ARHGEF2: variants seen among roughly 807,000 people sequenced by gnomAD.
ARHGEF2 encodes Rho/Rac guanine nucleotide exchange factor 2.
In ARHGEF2, 22 loss-of-function variants were observed where a neutral mutation model predicts 121.0. That is an observed-to-expected ratio of 0.18 (90% CI 0.13 to 0.26). ARHGEF2 has a LOEUF of 0.26. Ranked by LOEUF, ARHGEF2 falls within the 10% of genes least tolerant of loss-of-function variation. ARHGEF2 has a pLI of 1.00. For synonymous variants in ARHGEF2, 487 were observed against 530.0 expected, an observed-to-expected ratio of 0.92 and a Z score of 1.11; for missense variants, 907 against 1,336.0, an observed-to-expected ratio of 0.68 and a Z score of 5.01.
chr1:155,952,564 C>T, intron 15 of ARHGEF2, 64 bp downstream of exon 15: 1 of 1,526,628 alleles, frequency 6.6e-7, no homozygotes, highest in Non-Finnish European at 8.9e-7. Flanking sequence ...CATGTCTAGT[C>T]ACATGTCCAC....
In ARHGEF2 at chr1:155,954,980, A is replaced by G. The variant is rs1215627253; in HGVS notation, c.1716-11T>C. The G allele has an allele frequency of 1.9e-6, 3 of 1,610,270 alleles. No homozygotes were observed. The highest frequency in any genetic ancestry group is 2.5e-6 in the Non-Finnish European group (3 of 1,178,000). On this transcript the variant is annotated splice_polypyrimidine_tract_variant and intron_variant, in intron 13 of 21. Coordinates refer to ENST00000361247, the MANE Select transcript of ARHGEF2 (RefSeq NM_001162383.2). ...TCCCTGGATGGGCATCTGGAGGGGT[A>G]ACAGGTCGCATGCCATTGAGAGACA... is the stretch of plus-strand genomic sequence containing the variant.
chr1:155,964,167 A>AAATATAT (rs1553244640), intron 7 of ARHGEF2, among the ~76,000 whole-genome samples: 1 of 91,218 alleles, frequency 1.1e-5, no homozygotes, highest in African/African-American at 6.1e-5. Context: ...AAAAAAAAAA[A>AAATATAT]ATATATATAT....
At chr1:155,952,562 G>T in intron 15 of ARHGEF2, 66 bp downstream of exon 15, 1 of 1,515,442 alleles carries the variant, frequency 6.6e-7, no homozygotes, top group African/African-American at 1.4e-5. Context: ...TCCATGTCTA[G>T]TCACATGTCC....
chr1:155,960,677 G>T (rs1251393340), intron 11 of ARHGEF2, among the ~76,000 whole-genome samples: 1 of 152,148 alleles, frequency 6.6e-6, no homozygotes, highest in Non-Finnish European at 1.5e-5. Flanking sequence ...AAGGAAAGAG[G>T]CTGGTGAAGA....
rs1475475912 is a variant in ARHGEF2 at position 155,978,172 on chromosome 1, G to A, written c.63+193C>T. ...CCTCCCGGGATCCCAGCACCGTCGC[G>A]TCTGCCGCTCCCCCCACCCCTACCC... On this transcript the variant is annotated intron_variant, in intron 1 of 21. Coordinates refer to ENST00000361247, the MANE Select transcript of ARHGEF2 (RefSeq NM_001162383.2). This position sits in a 1 kb window ranked among gnomAD's most constrained non-coding sequence, Gnocchi z 4.1. 8.5e-6 allele frequency: 11 copies of A among 1,296,880 alleles called. No individual in the cohort carries two copies. In the Admixed American group the frequency reaches 1.0e-4, roughly 12 times the overall value. The allele number at this position is 1,296,880 out of a possible 1,614,324, so 80.3% of individuals were successfully genotyped here. A position where few individuals can be genotyped will look rare whatever the true frequency, so the allele number is the denominator to read the frequency against.
intron 7 of ARHGEF2, among the ~76,000 whole-genome samples, chr1:155,964,113 C>A (rs1313606116): frequency 3.8e-5 from 5 of 133,014 alleles, no homozygotes; most frequent in African/African-American, 1.2e-4. Context: ...CCAGTGCACT[C>A]CAGCATGGGC....
chr1:155,952,700 T>C lies in ARHGEF2; in HGVS notation c.1912A>G (p.Arg638Gly). Residue 638 changes from arginine to glycine, a missense_variant, in exon 15 of 22, where the codon AGG (arginine) becomes GGG (glycine). Arg to Gly is a moderately radical substitution (Grantham distance 125). This residue lies in a region of ARHGEF2 where 432 missense variants were observed against 559.5 expected (regional missense o/e 0.77). Transcript: ENST00000361247. The part of the protein sequence containing the change: ...GSGMALPTLP[R>G]GLFRSESLES... ...AGGGACTCAGAGCGGAAAAGGCCCC[T>C]GGGCAGGGTGGGCAGGGCCATCCCA... 1 of 1,614,148 alleles carries C rather than the reference T, an allele frequency of 6.2e-7. No individual in the cohort carries two copies. Among genetic ancestry groups the C allele is most frequent in the South Asian group, 1.1e-5 (1 of 91,090 alleles).
At chr1:155,954,705 G>C (rs1676324954) in intron 14 of ARHGEF2, among the ~76,000 whole-genome samples, 197 bp downstream of exon 14, 1 of 150,904 alleles carries the variant, frequency 6.6e-6, no homozygotes, top group Non-Finnish European at 1.5e-5. Context: ...CCCAACCTTG[G>C]TCTTCCATAT....
At position 155,962,305 on chromosome 1, in the gene ARHGEF2, C is replaced by T. The variant is rs1024540297; in HGVS notation, c.1102-83G>A. 3 of 1,408,702 alleles carry T rather than the reference C, an allele frequency of 2.1e-6. No homozygotes were observed. Among genetic ancestry groups the T allele is most frequent in the Admixed American group, 1.8e-5 (1 of 54,178 alleles). The allele number at this position is 1,408,702 out of a possible 1,614,324, so 87.3% of individuals were successfully genotyped here. A position where few individuals can be genotyped will look rare whatever the true frequency, so the allele number is the denominator to read the frequency against. On this transcript the variant is annotated intron_variant, in intron 9 of 21. Transcript: ENST00000361247. The surrounding 1 kb of genome is among the most constrained non-coding windows in gnomAD (Gnocchi z 5.8). ...GCCTGAGCTCTGGTGCTGGCCCTGGCGTGGCCATTTACCTCATGCTTGCCT... is the reference window on the plus strand; with the variant it reads ...GCCTGAGCTCTGGTGCTGGCCCTGGTGTGGCCATTTACCTCATGCTTGCCT...
intron 1 of ARHGEF2, among the ~76,000 whole-genome samples, chr1:155,975,567 C>A (rs376490122): frequency 2.0e-5 from 3 of 152,242 alleles, no homozygotes; most frequent in East Asian, 1.9e-4. Flanking sequence ...GAGGACCCCC[C>A]ATTCTTCCAC....
chr1:155,952,089 A>C, intron 16 of ARHGEF2, 27 bp downstream of exon 16: 1 of 1,613,566 alleles, frequency 6.2e-7, no homozygotes, highest in Non-Finnish European at 8.5e-7. Context: ...CCCACCTACT[A>C]CCTTGGTCCC....
In ARHGEF2 at chr1:155,951,150, A is replaced by G. The variant is rs1257675915; in HGVS notation, c.2382T>C (p.Pro794=). 6.2e-7 allele frequency: 1 copy of G among 1,604,258 alleles called. No homozygotes were observed. Among genetic ancestry groups the G allele is most frequent in the East Asian group, 2.2e-5 (1 of 44,598 alleles). ...DGEAGRAGAA[P]VAPEKQATEL... is the part of the protein sequence containing the mutation. The stretch of plus-strand genomic sequence containing the variant: ...CCGTGGCCTGCTTTTCAGGGGCCAC[A>G]GGGGCAGCCCCAGCCCTGCCAGCCT... The change falls in exon 20 of 22, where the codon CCT becomes CCC. Residue 794 remains proline, a synonymous_variant. Transcript: ENST00000361247. This position sits in a 1 kb window ranked among gnomAD's most constrained non-coding sequence, Gnocchi z 5.1.
At chr1:155,970,412 T>C in intron 1 of ARHGEF2, 1 of 985,472 alleles carries the variant, frequency 1.0e-6, no homozygotes, top group Non-Finnish European at 1.2e-6. Flanking sequence ...CTCTTCCCAC[T>C]ATTCTAGGAC....
At position 155,961,324 on chromosome 1, in the gene ARHGEF2, G is replaced by C. The variant is rs1677863932; in HGVS notation, c.1468+337C>G. ...GAGTCTTGCTGTGTCACCCAGGCTA[G>C]AGTGCAGTGGTGCAATCTGGGCTCA... On this transcript the variant is annotated intron_variant, in intron 11 of 21. Transcript: ENST00000361247. The surrounding 1 kb of genome is among the most constrained non-coding windows in gnomAD (Gnocchi z 4.7). 6.8e-6 allele frequency among the ~76,000 whole-genome samples: 1 copy of C among 147,254 alleles called. No individual in the cohort carries two copies. The highest frequency in any genetic ancestry group is 1.5e-5 in the Non-Finnish European group (1 of 67,402).
intron 13 of ARHGEF2, among the ~76,000 whole-genome samples, chr1:155,957,252 T>TC (rs1676877725): frequency 6.6e-6 from 1 of 152,266 alleles, no homozygotes; most frequent in African/African-American, 2.4e-5. Flanking sequence ...CACACTGATT[T>TC]CCTTCTTGCT....
At chr1:155,959,292 AG>A (rs1314702080) in intron 11 of ARHGEF2, among the ~76,000 whole-genome samples, 3 of 151,592 alleles carry the variant, frequency 2.0e-5, no homozygotes, top group Non-Finnish European at 4.4e-5. Flanking sequence ...TCTGTCGCCT[AG>A]GCTGGAGTGC....
chr1:155,950,782 A>AC lies in ARHGEF2; in HGVS notation c.2703+46dup. 6.7e-7 allele frequency: 1 copy of AC among 1,502,682 alleles called. No individual in the cohort carries two copies. The highest frequency in any genetic ancestry group is 1.4e-5 in the South Asian group (1 of 73,954). The allele number at this position is 1,502,682 out of a possible 1,614,324, so 93.1% of individuals were successfully genotyped here. ...GCCCAATTTCTTTCGGGCTCCATGGACCCTTATGTCCACCCCAGGTCCATT... is the reference window on the plus strand; with the variant it reads ...GCCCAATTTCTTTCGGGCTCCATGGACCCCTTATGTCCACCCCAGGTCCATT... On this transcript the variant is annotated intron_variant, in intron 20 of 21. Coordinates refer to ENST00000361247, the MANE Select transcript of ARHGEF2 (RefSeq NM_001162383.2). This position sits in a 1 kb window ranked among gnomAD's most constrained non-coding sequence, Gnocchi z 5.2.
At chr1:155,953,957 C>T (rs900543313) in intron 14 of ARHGEF2, among the ~76,000 whole-genome samples, 10 of 151,848 alleles carry the variant, frequency 6.6e-5, no homozygotes, top group Non-Finnish European at 8.8e-5. Context: ...ATGTTGACAG[C>T]AATAATATTC....
Position 155,962,001 on chromosome 1 carries a change from C to T in ARHGEF2, c.1220-92G>A, listed in dbSNP as rs1166011963. 1 of 1,602,636 alleles carries T rather than the reference C, an allele frequency of 6.2e-7. No homozygotes were observed. Among genetic ancestry groups the T allele is most frequent in the Admixed American group, 1.7e-5 (1 of 59,774 alleles). On this transcript the variant is annotated intron_variant, in intron 10 of 21. Transcript: ENST00000361247. This position sits in a 1 kb window ranked among gnomAD's most constrained non-coding sequence, Gnocchi z 5.8. ...TCTTGATTCCACCTTTAGAGGCTGC[C>T]CAGGGTTTCACACCCGACCCCACCC...
Sources: allele counts gnomAD v4.1 joint callset (sites outside exome capture counted in the v4.1 genomes callset), GRCh38; gene constraint gnomAD v4.1.1; regional missense constraint gnomAD v4.1.1; non-coding constraint Gnocchi (gnomAD v3.1); transcripts MANE v1.5; gene names NCBI Gene and HGNC (gene_info 2026-07-23, HGNC 2026-07-21).